The following PLEKHA8 variants were observed in gnomAD, a reference collection of about 807,000 sequenced individuals.
PLEKHA8 encodes the protein pleckstrin homology domain-containing family A member 8.
In PLEKHA8, 36 loss-of-function variants were observed where a neutral mutation model predicts 68.2. That is an observed-to-expected ratio of 0.53 (90% CI 0.40 to 0.70). The LOEUF (loss-of-function observed/expected upper bound fraction) is 0.70. Among genes scored for constraint, PLEKHA8 ranks in the 30% least tolerant of loss-of-function variants. PLEKHA8 has a pLI of 0.00. For missense variants in PLEKHA8, 505 were observed against 615.4 expected, an observed-to-expected ratio of 0.82 and a Z score of 1.90; for synonymous variants, 211 against 216.1, an observed-to-expected ratio of 0.98 and a Z score of 0.20.
At chr7:30,034,010 C>CTTTTGTTTTTTTTTTT (rs1790859175) in intron 1 of PLEKHA8, among the ~76,000 whole-genome samples, 2 of 34,632 alleles carry the variant, frequency 5.8e-5, no homozygotes, top group African/African-American at 2.5e-4. Context: ...TAAGAGGTTT[C>CTTTTGTTTTTTTTTTT]TTTTTTTTTT....
exon 13 of PLEKHA8, chr7:30,090,316 T>C: frequency 1.9e-6 from 2 of 1,047,630 alleles, no homozygotes; most frequent in Non-Finnish European, 2.7e-6. Context: ...AATGGGGGAG[T>C]ATTTCCGAAG....
At chr7:30,059,308 G>A (rs950952101) in intron 9 of PLEKHA8, among the ~76,000 whole-genome samples, 4 of 152,064 alleles carry the variant, frequency 2.6e-5, no homozygotes, top group African/African-American at 4.8e-5. Flanking sequence ...TTCATTTTCC[G>A]ATTATTAATA....
At chr7:30,032,139 A>G (rs1333400437) in intron 1 of PLEKHA8, among the ~76,000 whole-genome samples, 2 of 152,230 alleles carry the variant, frequency 1.3e-5, no homozygotes, top group Non-Finnish European at 2.9e-5. Flanking sequence ...TGTGTGAGAC[A>G]TACTTCTAAA....
Position 30,045,221 on chromosome 7 carries a change from G to C in PLEKHA8, c.157+20G>C. 6.5e-7 allele frequency: 1 copy of C among 1,546,990 alleles called. No homozygotes were observed. Among genetic ancestry groups the C allele is most frequent in the Non-Finnish European group, 8.8e-7 (1 of 1,133,572 alleles). Reference sequence around the variant, plus strand: ...TTCAAGGTGAGAAATCAAGCAACTTGCAAGTTTTATTTTTCTTTCTGTTTT... The same window carrying C: ...TTCAAGGTGAGAAATCAAGCAACTTCCAAGTTTTATTTTTCTTTCTGTTTT... On this transcript the variant is annotated intron_variant, in intron 2 of 13. Transcript: ENST00000449726.
Position 30,078,784 on chromosome 7 carries a change from A to T in PLEKHA8, c.1557A>T (p.Val519=). ...EVHGLESDEV[V] ...ACGGGCTGGAATCTGATGAGGTGGT[A>T]TGATGGCTGCTGGGCAGCACCTCCT... The change falls in exon 14 of 14, where the codon GTA becomes GTT. Residue 519 remains valine (V), a synonymous_variant. Transcript: ENST00000449726. The T allele has an allele frequency of 6.2e-7, 1 of 1,613,190 alleles. No homozygotes were observed. The highest frequency in any genetic ancestry group is 8.5e-7 in the Non-Finnish European group (1 of 1,179,436).
chr7:30,115,781 T>C lies in PLEKHA8; in HGVS notation c.1363-13485T>C, dbSNP rs572753487. 1.1e-4 allele frequency: 17 copies of C among 150,346 alleles called. 2 individuals carry two copies. Among genetic ancestry groups the C allele is most frequent in the East Asian group, 3.9e-4 (2 of 5,074 alleles). The allele number at this position is 150,346 out of a possible 1,614,324, so 9.3% of individuals were successfully genotyped here. On this transcript the variant is annotated intron_variant, in intron 13 of 13. Coordinates refer to the PLEKHA8 transcript ENST00000396257. The stretch of plus-strand genomic sequence containing the variant: ...ATACATGTATACACGTATGCATGCA[T>C]ACATACGTGCACATACATGTATACA...
In PLEKHA8 at chr7:30,084,471, G is replaced by A; in HGVS notation, c.*5684G>A. 5 of 985,230 alleles carry A rather than the reference G, an allele frequency of 5.1e-6. No homozygotes were observed. The highest frequency in any genetic ancestry group is 6.0e-6 in the Non-Finnish European group (5 of 829,828). The allele number at this position is 985,230 out of a possible 1,614,324, so 61.0% of individuals were successfully genotyped here. On this transcript the variant is annotated 3_prime_UTR_variant, in exon 14 of 14. Coordinates refer to ENST00000449726, the MANE Select transcript of PLEKHA8 (RefSeq NM_001197026.2). ...AGAATATAATATGTTGGAGCCTCTTGGGACCAACCGATGAGCGACAGTTTC... is the reference window on the plus strand; with the variant it reads ...AGAATATAATATGTTGGAGCCTCTTAGGACCAACCGATGAGCGACAGTTTC...
At chr7:30,061,165 A>C (rs748988080) in intron 10 of PLEKHA8, among the ~76,000 whole-genome samples, 1 of 152,248 alleles carries the variant, frequency 6.6e-6, no homozygotes, top group Non-Finnish European at 1.5e-5. Flanking sequence ...ATTCATTTTT[A>C]AAATGAAACC....
At chr7:30,032,026 T>C (rs1379312074) in intron 1 of PLEKHA8, among the ~76,000 whole-genome samples, 3 of 152,242 alleles carry the variant, frequency 2.0e-5, no homozygotes, top group Admixed American at 6.5e-5. Context: ...CATCCTGCCT[T>C]TTGGACATTC....
At chr7:30,115,550 GTATACA>G (rs1796413739) in intron 13 of PLEKHA8, among the ~76,000 whole-genome samples, 1 of 50,296 alleles carries the variant, frequency 2.0e-5, no homozygotes, top group African/African-American at 4.1e-5. Flanking sequence ...ACACATGCAC[GTATACA>G]TGTAGACATA....
chr7:30,067,995 AG>A (rs1336358066), intron 12 of PLEKHA8, among the ~76,000 whole-genome samples: 15 of 152,232 alleles, frequency 9.9e-5, no homozygotes, highest in African/African-American at 3.6e-4. Context: ...CACCAGAAAA[AG>A]GAGGAGGCTT....
rs919138586 is a variant in PLEKHA8, at chr7:30,082,134, A to G, written c.*3347A>G. 2.0e-6 allele frequency: 2 copies of G among 985,320 alleles called. No homozygotes were observed. Among genetic ancestry groups the G allele is most frequent in the Admixed American group, 6.2e-5 (1 of 16,240 alleles). The allele number at this position is 985,320 out of a possible 1,614,324, so 61.0% of individuals were successfully genotyped here. A position where few individuals can be genotyped will look rare whatever the true frequency, so the allele number is the denominator to read the frequency against. On this transcript the variant is annotated 3_prime_UTR_variant, in exon 14 of 14. Transcript: ENST00000449726. The stretch of plus-strand genomic sequence containing the variant: ...TTGACTTCGAAGGGTAGTTCTCATT[A>G]GGATGTATAAGTAGTGGCTTGAGGC...
At chr7:30,055,146 C>G (rs1792736194) in intron 8 of PLEKHA8, 111 bp from the exon 9 acceptor site, 2 of 967,794 alleles carry the variant, frequency 2.1e-6, no homozygotes, top group Non-Finnish European at 3.3e-6. Context: ...CATATCAAGT[C>G]AAACGATTTG....
intron 13 of PLEKHA8, among the ~76,000 whole-genome samples, chr7:30,115,485 T>C (rs914171289): frequency 2.6e-5 from 4 of 151,882 alleles, no homozygotes; most frequent in African/African-American, 7.3e-5. Context: ...TGTATACGTG[T>C]ATGTAGACAT....
intron 3 of PLEKHA8, 110 bp downstream of exon 3, chr7:30,046,475 C>T (rs575728057): frequency 8.1e-5 from 98 of 1,205,682 alleles, no homozygotes; most frequent in Admixed American, 3.4e-4. Flanking sequence ...CTTTTTGTGT[C>T]ATGCAAATGC....
chr7:30,098,463 G>T (rs1001797841), intron 13 of PLEKHA8, among the ~76,000 whole-genome samples: 1 of 152,256 alleles, frequency 6.6e-6, no homozygotes, highest in Non-Finnish European at 1.5e-5. Flanking sequence ...TTGAGCTGTG[G>T]TGGGCTCCAC....
chr7:30,125,068 G>A (rs1796751663), intron 13 of PLEKHA8, among the ~76,000 whole-genome samples: 2 of 151,880 alleles, frequency 1.3e-5, no homozygotes, highest in South Asian at 4.1e-4. Context: ...CAGAAAATTA[G>A]GATATCTTTT....
chr7:30,048,089 C>A (rs1356444862), intron 4 of PLEKHA8, 133 bp downstream of exon 4: 4 of 467,448 alleles, frequency 8.6e-6, no homozygotes, highest in Non-Finnish European at 9.2e-6. Flanking sequence ...CCAGACGTTG[C>A]TTACAGGTGG....
intron 13 of PLEKHA8, among the ~76,000 whole-genome samples, chr7:30,078,373 C>T (rs1391476142): frequency 7.9e-5 from 12 of 152,196 alleles, no homozygotes; most frequent in Admixed American, 5.9e-4. Context: ...GGCCCAAGTA[C>T]ATGCTTGTTT....
Sources: allele counts gnomAD v4.1 joint callset (sites outside exome capture counted in the v4.1 genomes callset), GRCh38; gene constraint gnomAD v4.1.1; transcripts MANE v1.5; gene names NCBI Gene and HGNC (gene_info 2026-07-23, HGNC 2026-07-21).